The following UBXN11 variants were observed in gnomAD, a reference collection of about 807,000 sequenced individuals.
UBXN11 encodes UBX domain-containing protein 11.
Under a neutral mutation model 62.8 loss-of-function variants are expected in UBXN11, and 47 were observed. That is an observed-to-expected ratio of 0.75 (90% confidence interval 0.59 to 0.95). The LOEUF (loss-of-function observed/expected upper bound fraction) is 0.95. UBXN11 is among the 40% of genes least tolerant of loss of function. The pLI, the probability that UBXN11 is intolerant of heterozygous loss-of-function variation, is 0.00. For synonymous variants in UBXN11, 294 were observed against 267.0 expected (o/e 1.10, Z -0.99); for missense variants, 638 against 661.7 (o/e 0.96, Z 0.39).
rs200557786 is a variant in UBXN11 at position 26,296,992 on chromosome 1, T to G, written c.359A>C (p.Glu120Ala). 1.9e-6 allele frequency: 3 copies of G among 1,601,424 alleles called. No homozygotes were observed. The Admixed American group carries it at 5.1e-5, about 27-fold the overall frequency. ...TTCCTCCTGCCGCTGCAGGGTTGCCTCGGCTTCAGGGAAAGACAGGGACAG... is the reference window on the plus strand; with the variant it reads ...TTCCTCCTGCCGCTGCAGGGTTGCCGCGGCTTCAGGGAAAGACAGGGACAG... ...LVQTLRPHPA[E>A]ATLQRQEELE... Residue 120 changes from glutamate (E) to alanine (A), a missense_variant, in exon 7 of 15, where the codon GAG (glutamate) becomes GCG (alanine). Transcript: ENST00000374222.
intron 1 of UBXN11, among the ~76,000 whole-genome samples, chr1:26,304,300 T>C (rs1337668737): frequency 1.3e-5 from 2 of 151,986 alleles, no homozygotes; most frequent in African/African-American, 2.4e-5. Flanking sequence ...GTCCCCACCC[T>C]GCCCCAGCCC....
intron 1 of UBXN11, among the ~76,000 whole-genome samples, chr1:26,315,960 C>CTTTTTTTT (rs34193565): frequency 2.6e-5 from 3 of 114,538 alleles, no homozygotes; most frequent in Non-Finnish European, 5.1e-5. Context: ...GTTTCCTGGC[C>CTTTTTTTT]TTTTTTTTTT....
chr1:26,292,981 G>T lies in UBXN11; in HGVS notation c.559+1224C>A, dbSNP rs559143520. On this transcript the variant is annotated intron_variant, in intron 8 of 14. Coordinates refer to ENST00000374222, the MANE Select transcript of UBXN11 (RefSeq NM_001389556.1). ...GAGCCCAGGCCTAAACAGGAGGCAGGATTCTCATGTTTGGAATCTGGGTTT... is the reference window on the plus strand; with the variant it reads ...GAGCCCAGGCCTAAACAGGAGGCAGTATTCTCATGTTTGGAATCTGGGTTT... 3.9e-5 allele frequency among the ~76,000 whole-genome samples: 6 copies of T among 152,316 alleles called. No homozygotes were observed. In the East Asian group the frequency reaches 1.2e-3, roughly 29 times the overall value.
intron 6 of UBXN11, 85 bp from the exon 7 acceptor site, chr1:26,297,080 C>A: frequency 6.8e-7 from 1 of 1,464,170 alleles, no homozygotes. Context: ...TCTGGAGAAG[C>A]TGTTCTGGGG....
In UBXN11 at chr1:26,282,388, CG is replaced by C. The variant is rs764321701; in HGVS notation, c.1473del (p.Gly492AlafsTer?). The C allele has an allele frequency of 4.3e-6, 1 of 235,036 alleles. No homozygotes were observed. Among genetic ancestry groups the C allele is most frequent in the Non-Finnish European group, 6.0e-6 (1 of 165,666 alleles). The allele number at this position is 235,036 out of a possible 1,614,324, so 14.6% of individuals were successfully genotyped here. A position where few individuals can be genotyped will look rare whatever the true frequency, so the allele number is the denominator to read the frequency against. Reference protein sequence around the residue: ...FSPGPCPGPGPGPSPGPGPGP... With the variant: ...FSPGPCPGPGXGPSPGPGPGP... Reference sequence around the variant, plus strand: ...CCGGGACCGGGACCGGGACTGGGGCCGGGACCGGGACCGGGACAGGGACCAG... The same window carrying C: ...CCGGGACCGGGACCGGGACTGGGGCCGGACCGGGACCGGGACAGGGACCAG... On this transcript the variant is annotated frameshift_variant, in exon 15 of 15. Transcript: ENST00000374222. LOFTEE classifies it low-confidence loss of function (END_TRUNC).
chr1:26,285,380 C>T lies in UBXN11; in HGVS notation c.852+84G>A, dbSNP rs1438294287. ...CCCAGGGAGTGCAGCGGCTTCCCCTCAGAATGGGAGGTGTCTGGGGAGGCT... is the reference window on the plus strand; with the variant it reads ...CCCAGGGAGTGCAGCGGCTTCCCCTTAGAATGGGAGGTGTCTGGGGAGGCT... On this transcript the variant is annotated intron_variant, in intron 10 of 14. Transcript: ENST00000374222. 1.5e-5 allele frequency: 24 copies of T among 1,559,902 alleles called. No homozygotes were observed. The East Asian group carries it at 4.9e-4, about 32-fold the overall frequency.
intron 8 of UBXN11, among the ~76,000 whole-genome samples, chr1:26,291,653 CA>C (rs2073268984): frequency 6.6e-6 from 1 of 152,212 alleles, no homozygotes; most frequent in South Asian, 2.1e-4. Flanking sequence ...CCCAGCCCGC[CA>C]CAGCAGGGCC....
chr1:26,310,064 T>C (rs1263476727), upstream of UBXN11, among the ~76,000 whole-genome samples: 1 of 152,168 alleles, frequency 6.6e-6, no homozygotes, highest in Non-Finnish European at 1.5e-5. Flanking sequence ...GCCTACCAAG[T>C]AGCAGAGACT....
At position 26,282,946 on chromosome 1, in the gene UBXN11, T is replaced by C. The variant is rs755926379; in HGVS notation, c.1078-9A>G. The C allele has an allele frequency of 6.2e-7, 1 of 1,614,054 alleles. No individual in the cohort carries two copies. Among genetic ancestry groups the C allele is most frequent in the South Asian group, 1.1e-5 (1 of 91,086 alleles). ...GGCAATGGGCAGCAGTTCTGGAAGG[T>C]ATCAGTGGAGGGTGGACAGAGCCCT... is the stretch of plus-strand genomic sequence containing the variant. On this transcript the variant is annotated splice_polypyrimidine_tract_variant and intron_variant, in intron 12 of 14. Coordinates refer to ENST00000374222, the MANE Select transcript of UBXN11 (RefSeq NM_001389556.1).
intron 1 of UBXN11, chr1:26,306,294 C>T (rs1227924744): frequency 2.0e-5 from 3 of 152,366 alleles, no homozygotes; most frequent in Admixed American, 6.5e-5. Flanking sequence ...TCACAACATT[C>T]TTCTTCACAC....
At chr1:26,285,346 CTG>C (rs1282111705) in intron 10 of UBXN11, 116 bp downstream of exon 10, 7 of 1,534,138 alleles carry the variant, frequency 4.6e-6, no homozygotes, top group Non-Finnish European at 5.3e-6. Flanking sequence ...GGGCATCAGA[CTG>C]GGGTCCCCCA....
chr1:26,294,251 C>G lies in UBXN11; in HGVS notation c.513G>C (p.Glu171Asp). The part of the protein sequence containing the change: ...QEDSESKTVS[E>D]HGERDWMTAK... ...CTGTCATCCAGTCCCTCTCGCCATG[C>G]TCTGAGACTGTCTTGCTCTCTGAGT... is the stretch of plus-strand genomic sequence containing the variant. Residue 171 changes from glutamate to aspartate, a missense_variant, in exon 8 of 15, where the codon GAG becomes GAC. Physicochemically the swap from Glu to Asp is conservative, Grantham distance 45. Transcript: ENST00000374222. The G allele has an allele frequency of 6.2e-7, 1 of 1,614,214 alleles. No individual in the cohort carries two copies.
rs765450846 is a variant in UBXN11 at position 26,285,560 on chromosome 1, AGT to A, written c.775-21_775-20del. On this transcript the variant is annotated intron_variant, in intron 9 of 14. Coordinates refer to ENST00000374222, the MANE Select transcript of UBXN11 (RefSeq NM_001389556.1). ...GGCAGCGCTGCAAGGGAAGAGGAAA[AGT>A]GAGGGGGTGGCCTGGGCCTTGGGCC... 5 of 1,551,080 alleles carry A rather than the reference AGT, an allele frequency of 3.2e-6. No individual in the cohort carries two copies. The African/African-American group carries it at 6.8e-5, about 21-fold the overall frequency.
At chr1:26,303,225 T>G (rs1346629930) in intron 1 of UBXN11, 3 of 198,926 alleles carry the variant, frequency 1.5e-5, no homozygotes, top group Non-Finnish European at 3.0e-5. Flanking sequence ...TTCCCAAACT[T>G]AGAGCCTGAA....
intron 8 of UBXN11, among the ~76,000 whole-genome samples, chr1:26,291,550 G>A (rs1325653650): frequency 1.3e-5 from 2 of 152,184 alleles, no homozygotes; most frequent in Non-Finnish European, 2.9e-5. Flanking sequence ...GCCAGGTCCA[G>A]AAACCAGCCA....
upstream of UBXN11, among the ~76,000 whole-genome samples, chr1:26,309,125 G>A (rs1216195900): frequency 1.3e-5 from 2 of 151,936 alleles, no homozygotes; most frequent in African/African-American, 4.8e-5. Context: ...AGTAGAGACG[G>A]GGTTTCACGA....
At chr1:26,300,833 C>T (rs1183314618) in intron 4 of UBXN11, 93 bp downstream of exon 4, 3 of 1,584,584 alleles carry the variant, frequency 1.9e-6, no homozygotes, top group Admixed American at 1.8e-5. Context: ...ACCAAACAGG[C>T]GAGAGGAAGG....
chr1:26,305,618 T>G (rs1212118511), intron 1 of UBXN11, among the ~76,000 whole-genome samples: 1 of 152,078 alleles, frequency 6.6e-6, no homozygotes, highest in Non-Finnish European at 1.5e-5. Context: ...AAAATTGAAA[T>G]TTACACTTTA....
intron 8 of UBXN11, among the ~76,000 whole-genome samples, chr1:26,289,006 C>T (rs1203287563): frequency 6.6e-6 from 1 of 152,106 alleles, no homozygotes; most frequent in East Asian, 1.9e-4. Context: ...CCTCTGAGGC[C>T]TCATCCAACT....
Sources: allele counts gnomAD v4.1 joint callset (sites outside exome capture counted in the v4.1 genomes callset), GRCh38; gene constraint gnomAD v4.1.1; transcripts MANE v1.5; gene names NCBI Gene and HGNC (gene_info 2026-07-23, HGNC 2026-07-21).